The following EXOC2 variants were observed in gnomAD, a reference collection of about 807,000 sequenced individuals.
EXOC2 encodes the protein exocyst complex component 2.
In EXOC2, 70 loss-of-function variants were observed where a neutral mutation model predicts 131.8. That is an observed-to-expected ratio of 0.53 (90% CI 0.44 to 0.65). EXOC2 has a LOEUF of 0.65. Ranked by LOEUF, EXOC2 falls within the 30% of genes least tolerant of loss-of-function variation. The probability of loss-of-function intolerance (pLI) is 0.00; values close to 1 mark genes in which losing one functional copy is unlikely to be tolerated. For synonymous variants in EXOC2, 411 were observed against 398.4 expected (o/e 1.03, Z -0.38); for missense variants, 923 against 1,108.6 (o/e 0.83, Z 2.38).
intron 3 of EXOC2, among the ~76,000 whole-genome samples, chr6:630,366 T>A (rs916946915): frequency 6.6e-6 from 1 of 152,222 alleles, no homozygotes; most frequent in Non-Finnish European, 1.5e-5. Flanking sequence ...ACCTATAATA[T>A]CTGTTTATTC....
intron 10 of EXOC2, among the ~76,000 whole-genome samples, chr6:596,764 C>T (rs1219682673): frequency 6.6e-6 from 1 of 152,122 alleles, no homozygotes; most frequent in Non-Finnish European, 1.5e-5. Context: ...ATAAACTTCA[C>T]TAATTCAAGT....
chr6:691,557 T>C (rs949300161), intron 1 of EXOC2, among the ~76,000 whole-genome samples: 34 of 152,266 alleles, frequency 2.2e-4, no homozygotes, highest in African/African-American at 7.7e-4. Context: ...ACTTTAAGAA[T>C]ACAGTATATA....
At chr6:573,159 C>T (rs1048416525) in intron 12 of EXOC2, among the ~76,000 whole-genome samples, 1 of 152,220 alleles carries the variant, frequency 6.6e-6, no homozygotes, top group African/African-American at 2.4e-5. Context: ...CAATCACATA[C>T]TAAATAACCC....
intron 1 of EXOC2, among the ~76,000 whole-genome samples, chr6:687,411 G>A (rs1465565126): frequency 6.6e-6 from 1 of 151,834 alleles, no homozygotes; most frequent in African/African-American, 2.4e-5. Context: ...TCAAACTCCT[G>A]GGCTCAAGCT....
intron 20 of EXOC2, among the ~76,000 whole-genome samples, chr6:554,718 C>T (rs997838005): frequency 8.6e-5 from 10 of 116,858 alleles, no homozygotes; most frequent in South Asian, 2.3e-4. Context: ...TCAGAAAGAA[C>T]GGATTTCTTA....
intron 7 of EXOC2, among the ~76,000 whole-genome samples, chr6:600,531 T>C (rs1029433240): frequency 2.0e-5 from 3 of 152,190 alleles, no homozygotes; most frequent in African/African-American, 4.8e-5. Context: ...TAATTACTTA[T>C]ATGTTAGGTT....
rs1006402944 is a variant in EXOC2, at chr6:572,910, G to T, written c.1319-266C>A. Among the ~76,000 whole-genome samples, 4 of 152,252 alleles carry T rather than the reference G, an allele frequency of 2.6e-5. No individual in the cohort carries two copies. The South Asian group carries it at 8.3e-4, about 32-fold the overall frequency. On this transcript the variant is annotated intron_variant, in intron 12 of 27. Transcript: ENST00000230449. ...CCAGCAAGCCAGGGCAAGGGACCAG[G>T]TGGCCACAGCCTCAGTACTGGGAGG...
chr6:563,564 T>C (rs564582165), intron 16 of EXOC2, among the ~76,000 whole-genome samples: 1 of 152,326 alleles, frequency 6.6e-6, no homozygotes, highest in Non-Finnish European at 1.5e-5. Flanking sequence ...GGTTTTTTTA[T>C]GATTTTATGT....
At chr6:682,489 C>T (rs181806931) in intron 1 of EXOC2, among the ~76,000 whole-genome samples, 234 of 152,158 alleles carry the variant, frequency 1.5e-3, no homozygotes, top group African/African-American at 1.6e-3. Flanking sequence ...TGTGAGCCAC[C>T]GCGCCCGGCC....
chr6:549,973 A>C (rs1204899592), intron 21 of EXOC2, among the ~76,000 whole-genome samples: 1 of 152,244 alleles, frequency 6.6e-6, no homozygotes, highest in Non-Finnish European at 1.5e-5. Context: ...CACCTAAAGT[A>C]ATTTCTTACG....
At chr6:568,571 C>G (rs1183992792) in intron 13 of EXOC2, among the ~76,000 whole-genome samples, 2 of 152,202 alleles carry the variant, frequency 1.3e-5, no homozygotes, top group East Asian at 3.9e-4. Context: ...GCATACACAT[C>G]CTATTGGTTC....
intron 12 of EXOC2, among the ~76,000 whole-genome samples, chr6:576,107 T>C (rs1758562954): frequency 6.6e-6 from 1 of 152,228 alleles, no homozygotes; most frequent in Non-Finnish European, 1.5e-5. Flanking sequence ...TATCTGAATT[T>C]AATACAATGT....
chr6:629,087 T>C (rs987137919), intron 4 of EXOC2, among the ~76,000 whole-genome samples: 1 of 152,268 alleles, frequency 6.6e-6, no homozygotes, highest in African/African-American at 2.4e-5. Context: ...AGAGAGATTA[T>C]TGGAGAATTT....
chr6:671,529 A>G lies in EXOC2; in HGVS notation c.-44+21490T>C, dbSNP rs73383373. ...TGCATTTATTCCTTCTCTAAAATTC[A>G]TCCTTGAATTTTTCAGATCCAAGTA... On this transcript the variant is annotated intron_variant, in intron 1 of 27. Coordinates refer to ENST00000230449, the MANE Select transcript of EXOC2 (RefSeq NM_018303.6). Among the ~76,000 whole-genome samples, 1,448 of 152,250 alleles carry G rather than the reference A, an allele frequency of 9.5e-3. 28 individuals are homozygous for G. The highest frequency in any genetic ancestry group is 0.033 in the African/African-American group (1,379 of 41,522).
chr6:494,441 GT>G (rs11334291), intron 25 of EXOC2, among the ~76,000 whole-genome samples: 101,947 of 147,134 alleles, frequency 0.69, 37,213 homozygotes, highest in Non-Finnish European at 0.82. Flanking sequence ...ATTTGCACCC[GT>G]TTTTTTTTTT....
In EXOC2 at chr6:553,936, A is replaced by G; in HGVS notation, c.2055-16T>C. ...AACAGAGAGACTGAACATAGAAGCA[A>G]GTAGGAACAGTTACAAATAAAGCAC... On this transcript the variant is annotated splice_polypyrimidine_tract_variant and intron_variant, in intron 20 of 27. Coordinates refer to ENST00000230449, the MANE Select transcript of EXOC2 (RefSeq NM_018303.6). The G allele has an allele frequency of 6.2e-7, 1 of 1,605,220 alleles. No individual in the cohort carries two copies. The highest frequency in any genetic ancestry group is 8.5e-7 in the Non-Finnish European group (1 of 1,171,998).
At position 567,617 on chromosome 6, in the gene EXOC2, ATG is replaced by A. The variant is rs368542792; in HGVS notation, c.1444-2690_1444-2689del. On this transcript the variant is annotated intron_variant, in intron 13 of 27. Transcript: ENST00000230449. ...TGAGTACATGCATGCATTTATATGC[ATG>A]TGTTATACATTAATGTTTCATACAT... is the stretch of plus-strand genomic sequence containing the variant. Among the ~76,000 whole-genome samples the A allele has an allele frequency of 1.9e-3, 294 of 152,238 alleles. 1 individual carries two copies. Among genetic ancestry groups the A allele is most frequent in the Admixed American group, 3.9e-3 (59 of 15,298 alleles).
chr6:651,080 G>A (rs1396989141), intron 1 of EXOC2, among the ~76,000 whole-genome samples: 1 of 151,588 alleles, frequency 6.6e-6, no homozygotes, highest in Non-Finnish European at 1.5e-5. Context: ...CCAGGCTGGA[G>A]GGCAGTAGCG....
intron 23 of EXOC2, among the ~76,000 whole-genome samples, chr6:500,436 A>C (rs1217305644): frequency 1.3e-5 from 2 of 152,238 alleles, no homozygotes; most frequent in Non-Finnish European, 2.9e-5. Flanking sequence ...ACCAAACCCC[A>C]GTTTCGACAG....
Sources: allele counts gnomAD v4.1 joint callset (sites outside exome capture counted in the v4.1 genomes callset), GRCh38; gene constraint gnomAD v4.1.1; transcripts MANE v1.5; gene names NCBI Gene and HGNC (gene_info 2026-07-23, HGNC 2026-07-21).